MLYCD: variants seen among roughly 807,000 people sequenced by gnomAD.
MLYCD encodes malonyl-CoA decarboxylase.
MLYCD carries 27 observed loss-of-function variants against 35.8 expected under a neutral mutation model. The observed-to-expected ratio is 0.75, with a 90% CI of 0.56 to 1.04. MLYCD has a LOEUF of 1.04. Among genes scored for constraint, MLYCD ranks in the 50% least tolerant of loss-of-function variants. The pLI is 0.00. For synonymous variants in MLYCD, 403 were observed against 302.4 expected, an observed-to-expected ratio of 1.33 and a Z score of -3.45; for missense variants, 917 against 665.1, an observed-to-expected ratio of 1.38 and a Z score of -4.17.
At chr16:83,908,733 G>A (rs1260444693) in intron 3 of MLYCD, among the ~76,000 whole-genome samples, 1 of 152,220 alleles carries the variant, frequency 6.6e-6, no homozygotes, top group African/African-American at 2.4e-5. Context: ...TCCTTGGCGA[G>A]TGGAGGTTAT....
rs1037367550 is a variant in MLYCD, at chr16:83,924,186, A to G, written c.*8697A>G. 1.3e-5 allele frequency: 2 copies of G among 152,224 alleles called. No homozygotes were observed. The highest frequency in any genetic ancestry group is 2.1e-4 in the South Asian group (1 of 4,828). The allele number at this position is 152,224 out of a possible 1,614,324, so 9.4% of individuals were successfully genotyped here. ...AGGCAGTGCACAGCTCCGCCGCCAC[A>G]GAGACAGCCTCCTCTCATGACCCCA... On this transcript the variant is annotated 3_prime_UTR_variant, in exon 5 of 5. Coordinates refer to ENST00000262430, the MANE Select transcript of MLYCD (RefSeq NM_012213.3).
chr16:83,905,763 A>G lies in MLYCD; in HGVS notation c.529-1224A>G, dbSNP rs527666163. 1.4e-4 allele frequency among the ~76,000 whole-genome samples: 21 copies of G among 152,298 alleles called. No individual in the cohort carries two copies. The East Asian group carries it at 2.5e-3, about 18-fold the overall frequency. The stretch of plus-strand genomic sequence containing the variant: ...CATGGCTGCCCCCAGCCGCAGTGCA[A>G]TCTTTGTTCTGGACAGCTGTGTCCC... On this transcript the variant is annotated intron_variant, in intron 1 of 4. Transcript: ENST00000262430.
In MLYCD at chr16:83,919,720, C is replaced by T. The variant is rs1228795650; in HGVS notation, c.*4231C>T. On this transcript the variant is annotated 3_prime_UTR_variant, in exon 5 of 5. Transcript: ENST00000262430. ...AACACACGGGGCACAGGAGAACACA[C>T]AGTGCACAGAACACACAGTGCACAG... 3 of 136,356 alleles carry T rather than the reference C, an allele frequency of 2.2e-5. No homozygotes were observed. The highest frequency in any genetic ancestry group is 7.1e-5 in the African/African-American group (2 of 28,208). The allele number at this position is 136,356 out of a possible 1,614,324, so 8.4% of individuals were successfully genotyped here.
In MLYCD at chr16:83,923,056, G is replaced by A. The variant is rs1232174887; in HGVS notation, c.*7567G>A. On this transcript the variant is annotated 3_prime_UTR_variant, in exon 5 of 5. Transcript: ENST00000262430. ...TCTGAACTCCCTGTGGTCACTCTGA[G>A]GCCTCTCTGTCTCTCTGTGTCTTTC... 6.6e-6 allele frequency: 1 copy of A among 152,292 alleles called. No individual in the cohort carries two copies. Among genetic ancestry groups the A allele is most frequent in the Non-Finnish European group, 1.5e-5 (1 of 68,100 alleles). 9.4% of individuals were successfully genotyped at this position (152,292 alleles called of 1,614,324 possible).
intron 2 of MLYCD, 89 bp downstream of exon 2, chr16:83,907,188 C>A (rs1183936274): frequency 1.8e-6 from 2 of 1,116,638 alleles, no homozygotes; most frequent in Non-Finnish European, 2.7e-6. Flanking sequence ...TAATCTATCT[C>A]CATTCATATG....
At chr16:83,903,320 C>G (rs1906864230) in intron 1 of MLYCD, among the ~76,000 whole-genome samples, 1 of 152,146 alleles carries the variant, frequency 6.6e-6, no homozygotes, top group Non-Finnish European at 1.5e-5. Context: ...CTTGTTGGTT[C>G]TAGTAAATTC....
At chr16:83,907,181 T>G in intron 2 of MLYCD, 82 bp downstream of exon 2, 3 of 1,184,202 alleles carry the variant, frequency 2.5e-6, no homozygotes, top group Non-Finnish European at 3.8e-6. Context: ...TAAAAGCTAA[T>G]CTATCTCCAT....
At position 83,916,014 on chromosome 16, in the gene MLYCD, A is replaced by C; in HGVS notation, c.*525A>C. On this transcript the variant is annotated 3_prime_UTR_variant, in exon 5 of 5. Transcript: ENST00000262430. ...GTTACATTCTGAAGCTCATAAATGT[A>C]TGAGAAGGTTTGTGATTTTGCACAA... 9.9e-6 allele frequency: 10 copies of C among 1,005,438 alleles called. No homozygotes were observed. The highest frequency in any genetic ancestry group is 1.2e-5 in the Non-Finnish European group (10 of 840,196). The allele number at this position is 1,005,438 out of a possible 1,614,324, so 62.3% of individuals were successfully genotyped here.
intron 1 of MLYCD, 145 bp downstream of exon 1, chr16:83,899,817 G>C (rs1906718964): frequency 9.5e-7 from 1 of 1,054,126 alleles, no homozygotes; most frequent in Non-Finnish European, 1.3e-6. Flanking sequence ...CCTGCCAACT[G>C]TGTCCCCTTC....
In MLYCD at chr16:83,916,294, G is replaced by A. The variant is rs1311721742; in HGVS notation, c.*805G>A. On this transcript the variant is annotated 3_prime_UTR_variant, in exon 5 of 5. Coordinates refer to ENST00000262430, the MANE Select transcript of MLYCD (RefSeq NM_012213.3). Reference sequence around the variant, plus strand: ...TGAAGGAGCCTGGGGTGTGTTGGATGAGAACAAAGGTGAAGGAAGGGGCAG... The same window carrying A: ...TGAAGGAGCCTGGGGTGTGTTGGATAAGAACAAAGGTGAAGGAAGGGGCAG... 6 of 689,134 alleles carry A rather than the reference G, an allele frequency of 8.7e-6. No homozygotes were observed. The African/African-American group carries it at 1.2e-4, about 13-fold the overall frequency. 42.7% of individuals were successfully genotyped at this position (689,134 alleles called of 1,614,324 possible). A position where few individuals can be genotyped will look rare whatever the true frequency, so the allele number is the denominator to read the frequency against.
chr16:83,903,739 C>G (rs1906878387), intron 1 of MLYCD, among the ~76,000 whole-genome samples: 1 of 152,102 alleles, frequency 6.6e-6, no homozygotes, highest in African/African-American at 2.4e-5. Context: ...CAAGTGCAGC[C>G]TAGGCAACAG....
In MLYCD at chr16:83,912,370, A is replaced by G; in HGVS notation, c.948+3A>G. Reference sequence around the variant, plus strand: ...AGCGAGTCGTCAAGGAGTTGCAGGTAAGCGACACGCAGGGAGCCCCGGTCA... The same window carrying G: ...AGCGAGTCGTCAAGGAGTTGCAGGTGAGCGACACGCAGGGAGCCCCGGTCA... On this transcript the variant is annotated splice_donor_region_variant and intron_variant, in intron 4 of 4. Coordinates refer to ENST00000262430, the MANE Select transcript of MLYCD (RefSeq NM_012213.3). 2 of 1,614,118 alleles carry G rather than the reference A, an allele frequency of 1.2e-6. No individual in the cohort carries two copies. Among genetic ancestry groups the G allele is most frequent in the East Asian group, 2.2e-5 (1 of 44,866 alleles).
In MLYCD at chr16:83,907,059, A is replaced by G; in HGVS notation, c.601A>G (p.Thr201Ala). The change falls in exon 2 of 5, where the codon ACC becomes GCC. Residue 201 changes from threonine (T) to alanine (A), a missense_variant. By Grantham distance (58) the Thr-to-Ala change is moderately conservative (BLOSUM62 0). Transcript: ENST00000262430. ...SSGFLNLERV[T>A]WHSPCEVLQK... ...CGGGTTCCTGAACCTAGAACGGGTT[A>G]CCTGGCATTCACCGTGTGAAGTGCT... The G allele has an allele frequency of 6.2e-7, 1 of 1,614,236 alleles. No homozygotes were observed. The highest frequency in any genetic ancestry group is 1.1e-5 in the South Asian group (1 of 91,086).
At position 83,899,466 on chromosome 16, in the gene MLYCD, G is replaced by A. The variant is rs1906696637; in HGVS notation, c.322G>A (p.Gly108Ser). 6.5e-7 allele frequency: 1 copy of A among 1,544,946 alleles called. No individual in the cohort carries two copies. The highest frequency in any genetic ancestry group is 8.7e-7 in the Non-Finnish European group (1 of 1,155,936). Residue 108 changes from glycine to serine, a missense_variant, in exon 1 of 5, where the codon GGC becomes AGC. By Grantham distance (56) the Gly-to-Ser change is moderately conservative (BLOSUM62 0). Transcript: ENST00000262430. ...CGGCCAGGTGGCGGAGCAGAGCGCCGGCGTGCTCCATCTGCGCCAGCAGCA... is the reference window on the plus strand; with the variant it reads ...CGGCCAGGTGGCGGAGCAGAGCGCCAGCGTGCTCCATCTGCGCCAGCAGCA... Reference protein sequence around the residue: ...DHGQVAEQSAGVLHLRQQQRE... With the variant: ...DHGQVAEQSASVLHLRQQQRE...
chr16:83,913,255 CCCGGGTAACAATGAG>C (rs1197800330), intron 4 of MLYCD: 1 of 152,364 alleles, frequency 6.6e-6, no homozygotes, highest in East Asian at 1.9e-4. Flanking sequence ...CCATGTTTCC[CCCGGGTAACAATGAG>C]CCGTAGCTCA....
In MLYCD at chr16:83,915,551, CG is replaced by C. The variant is rs1254190199; in HGVS notation, c.*65del. On this transcript the variant is annotated 3_prime_UTR_variant, in exon 5 of 5. Transcript: ENST00000262430. ...GAAAACGATCATTTTCAGGAGGGGC[CG>C]GGAGTTATGTATCTGAAGCAGCTTT... 6.3e-7 allele frequency: 1 copy of C among 1,585,770 alleles called. No individual in the cohort carries two copies. Among genetic ancestry groups the C allele is most frequent in the African/African-American group, 1.3e-5 (1 of 74,716 alleles).
rs1907625763 is a variant in MLYCD at position 83,920,779 on chromosome 16, C to G, written c.*5290C>G. The G allele has an allele frequency of 6.6e-6, 1 of 152,270 alleles. No homozygotes were observed. The highest frequency in any genetic ancestry group is 2.4e-5 in the African/African-American group (1 of 41,472). The allele number at this position is 152,270 out of a possible 1,614,324, so 9.4% of individuals were successfully genotyped here. A position where few individuals can be genotyped will look rare whatever the true frequency, so the allele number is the denominator to read the frequency against. Reference sequence around the variant, plus strand: ...GCATAACGAACCTACAGACCTATCACCCAGCTTCCACAGTCATCAGTGGTT... The same window carrying G: ...GCATAACGAACCTACAGACCTATCAGCCAGCTTCCACAGTCATCAGTGGTT... On this transcript the variant is annotated 3_prime_UTR_variant, in exon 5 of 5. Coordinates refer to ENST00000262430, the MANE Select transcript of MLYCD (RefSeq NM_012213.3).
intron 1 of MLYCD, among the ~76,000 whole-genome samples, chr16:83,900,807 C>T (rs1352717793): frequency 6.6e-6 from 1 of 152,120 alleles, no homozygotes; most frequent in Non-Finnish European, 1.5e-5. Flanking sequence ...TACATTCCTT[C>T]AGTCTTACGT....
chr16:83,911,895 T>C (rs1907192040), intron 3 of MLYCD: 3 of 371,066 alleles, frequency 8.1e-6, no homozygotes, highest in Non-Finnish European at 5.2e-6. Context: ...GCCGGAGAGT[T>C]TATGGAGCAA....
Sources: gnomAD v4.1 joint callset for allele counts (sites outside exome capture counted in the v4.1 genomes callset) on GRCh38, gnomAD v4.1.1 for gene constraint, MANE v1.5 for transcripts, NCBI Gene and HGNC (gene_info 2026-07-23, HGNC 2026-07-21) for gene names.